AKAP13: variants seen among roughly 807,000 people sequenced by gnomAD.
AKAP13 encodes A-kinase anchor protein 13.
Under a neutral mutation model 264.5 loss-of-function variants are expected in AKAP13, and 80 were observed. The observed-to-expected ratio is 0.30, with a 90% CI of 0.25 to 0.36. The LOEUF (loss-of-function observed/expected upper bound fraction) is 0.36. AKAP13 is among the 10% of genes least tolerant of loss of function. AKAP13 has a pLI of 1.00. For missense variants in AKAP13, 3,712 were observed against 3,435.2 expected, an observed-to-expected ratio of 1.08 and a Z score of -2.01; for synonymous variants, 1,380 against 1,250.2, an observed-to-expected ratio of 1.10 and a Z score of -2.19.
rs184317710 is a variant in AKAP13 at position 85,411,293 on chromosome 15, A to G, written c.-12+30495A>G. 3.8e-3 allele frequency among the ~76,000 whole-genome samples: 580 copies of G among 152,348 alleles called. 2 individuals carry two copies. The highest frequency in any genetic ancestry group is 5.6e-3 in the Non-Finnish European group (382 of 68,024). ...TAATGTCTGTGATGAAGTAGTGAAC[A>G]TTATTACTTTTATTAAATCTCAACC... On this transcript the variant is annotated intron_variant, in intron 1 of 36. Coordinates refer to ENST00000394518, the MANE Select transcript of AKAP13 (RefSeq NM_007200.5).
rs112101067 is a variant in AKAP13, at chr15:85,513,842, C to T, written c.34-7586C>T. Among the ~76,000 whole-genome samples, 163 of 89,030 alleles carry T rather than the reference C, an allele frequency of 1.8e-3. 40 individuals are homozygous for T. Among genetic ancestry groups the T allele is most frequent in the African/African-American group, 8.6e-3 (154 of 17,950 alleles). The allele number at this position is 89,030 out of a possible 152,430, so 58.4% of individuals were successfully genotyped here. ...TAATAGACTGTTTCTCATTGTCCGA[C>T]GTTTCCTTGTGATTAGGTTGAGGGC... is the stretch of plus-strand genomic sequence containing the variant. On this transcript the variant is annotated intron_variant, in intron 2 of 36. Coordinates refer to ENST00000394518, the MANE Select transcript of AKAP13 (RefSeq NM_007200.5).
chr15:85,671,811 C>T (rs1260581124), intron 14 of AKAP13, among the ~76,000 whole-genome samples: 1 of 152,176 alleles, frequency 6.6e-6, no homozygotes, highest in Non-Finnish European at 1.5e-5. Context: ...TCCCCTCCTT[C>T]CGTGACCAGC....
At chr15:85,525,634 G>C (rs976160266) in intron 3 of AKAP13, among the ~76,000 whole-genome samples, 3 of 152,150 alleles carry the variant, frequency 2.0e-5, no homozygotes, top group Admixed American at 6.6e-5. Context: ...AGTAATAAAT[G>C]AAAGTAAAAT....
chr15:85,508,228 C>A (rs898350924), intron 2 of AKAP13, among the ~76,000 whole-genome samples: 1 of 151,420 alleles, frequency 6.6e-6, no homozygotes, highest in Non-Finnish European at 1.5e-5. Context: ...ATTGCAGCCT[C>A]GACTTCCTGG....
chr15:85,584,625 A>G (rs1340075042), intron 7 of AKAP13, among the ~76,000 whole-genome samples: 1 of 152,236 alleles, frequency 6.6e-6, no homozygotes, highest in Non-Finnish European at 1.5e-5. Context: ...GTAAGATTAT[A>G]TAATTATAAG....
At chr15:85,533,423 A>G (rs1341597361) in intron 3 of AKAP13, among the ~76,000 whole-genome samples, 161 bp from the exon 4 acceptor site, 1 of 152,182 alleles carries the variant, frequency 6.6e-6, no homozygotes, top group Non-Finnish European at 1.5e-5. Context: ...TGGAGTTTTA[A>G]GAAGTTTGGA....
chr15:85,628,838 A>G lies in AKAP13; in HGVS notation c.4162-10536A>G, dbSNP rs565007395. ...TGAAGATGTGAAATACACTTTGCCAAACTTATTCAATTTAATACTAAAAAA... is the reference window on the plus strand; with the variant it reads ...TGAAGATGTGAAATACACTTTGCCAGACTTATTCAATTTAATACTAAAAAA... On this transcript the variant is annotated intron_variant, in intron 8 of 36. Coordinates refer to ENST00000394518, the MANE Select transcript of AKAP13 (RefSeq NM_007200.5). 3.3e-5 allele frequency among the ~76,000 whole-genome samples: 5 copies of G among 152,300 alleles called. No homozygotes were observed. The South Asian group carries it at 8.3e-4, about 25-fold the overall frequency.
At chr15:85,631,231 G>T (rs34058174) in intron 8 of AKAP13, among the ~76,000 whole-genome samples, 30,787 of 152,112 alleles carry the variant, frequency 0.2, 4,139 homozygotes, top group Middle Eastern at 0.42. Context: ...AAGCAAATTT[G>T]TAGAGATAGA....
At chr15:85,563,602 C>G (rs572567228) in intron 5 of AKAP13, among the ~76,000 whole-genome samples, 1 of 152,174 alleles carries the variant, frequency 6.6e-6, no homozygotes, top group South Asian at 2.1e-4. Flanking sequence ...CTGTGGGCAC[C>G]GCATGAACTG....
At chr15:85,447,451 T>C (rs1413073597) in intron 1 of AKAP13, among the ~76,000 whole-genome samples, 1 of 152,148 alleles carries the variant, frequency 6.6e-6, no homozygotes. Context: ...GGTGTTTGTT[T>C]TACATATTAT....
At chr15:85,742,581 T>A (rs1048087263) in intron 35 of AKAP13, among the ~76,000 whole-genome samples, 1 of 152,238 alleles carries the variant, frequency 6.6e-6, no homozygotes, top group African/African-American at 2.4e-5. Context: ...CTGATTTGCC[T>A]CTCTACTGCT....
intron 2 of AKAP13, among the ~76,000 whole-genome samples, chr15:85,497,427 G>T (rs944321440): frequency 2.6e-5 from 4 of 152,190 alleles, no homozygotes; most frequent in African/African-American, 9.7e-5. Context: ...TTCAGAAAAG[G>T]TGGGGGCTCT....
intron 1 of AKAP13, among the ~76,000 whole-genome samples, chr15:85,409,705 A>G (rs1215774016): frequency 7.0e-6 from 1 of 143,062 alleles, no homozygotes; most frequent in South Asian, 2.2e-4. Context: ...ATCTCGGCTC[A>G]CTGCAAGCTC....
intron 13 of AKAP13, among the ~76,000 whole-genome samples, chr15:85,667,048 A>AT (rs1456462004): frequency 5.3e-5 from 8 of 152,208 alleles, no homozygotes; most frequent in Admixed American, 1.3e-4. Context: ...TTAAAAAAAA[A>AT]CTGTTTTTGA....
intron 8 of AKAP13, among the ~76,000 whole-genome samples, chr15:85,607,776 T>C (rs893083527): frequency 5.3e-5 from 8 of 152,244 alleles, no homozygotes; most frequent in Middle Eastern, 3.2e-3. Flanking sequence ...CATTGTACTT[T>C]CTTAAAAATT....
rs762205410 is a variant in AKAP13 at position 85,581,498 on chromosome 15, C to A, written c.3430C>A (p.Pro1144Thr). 7 of 1,614,148 alleles carry A rather than the reference C, an allele frequency of 4.3e-6. No homozygotes were observed. The East Asian group carries it at 1.6e-4, about 36-fold the overall frequency. ...TCTACAGGACAAAGCTGTGACTGAC[C>A]CACAGGGAGTTGGAACCCCAGAGAT... ...VALQDKAVTD[P>T]QGVGTPEMIP... The change falls in exon 7 of 37, where the codon CCA becomes ACA. Residue 1144 changes from proline (P) to threonine (T), a missense_variant. By Grantham distance (38) the Pro-to-Thr change is conservative (BLOSUM62 -1). Around this residue, in one of 3 missense-constraint regions of AKAP13, gnomAD observed 2,759 missense variants for 2,411.7 expected, o/e 1.14. Coordinates refer to ENST00000394518, the MANE Select transcript of AKAP13 (RefSeq NM_007200.5).
intron 1 of AKAP13, among the ~76,000 whole-genome samples, chr15:85,423,498 G>T (rs1265192135): frequency 6.6e-6 from 1 of 152,178 alleles, no homozygotes; most frequent in Non-Finnish European, 1.5e-5. Flanking sequence ...TTTATCATGA[G>T]ATTGCAGGAA....
intron 6 of AKAP13, among the ~76,000 whole-genome samples, chr15:85,576,586 T>G (rs933562961): frequency 2.6e-5 from 4 of 152,232 alleles, no homozygotes; most frequent in Non-Finnish European, 4.4e-5. Context: ...CAGAGCTGAT[T>G]TGATTTGGAA....
chr15:85,449,415 T>A (rs1173901934), intron 1 of AKAP13, among the ~76,000 whole-genome samples: 1 of 152,234 alleles, frequency 6.6e-6, no homozygotes, highest in Non-Finnish European at 1.5e-5. Context: ...TGGGTGCCCT[T>A]TACTTCTTTC....
Sources: gnomAD v4.1 joint callset for allele counts (sites outside exome capture counted in the v4.1 genomes callset) on GRCh38, gnomAD v4.1.1 for gene constraint, gnomAD v4.1.1 regional missense constraint, MANE v1.5 for transcripts, NCBI Gene and HGNC (gene_info 2026-07-23, HGNC 2026-07-21) for gene names.